UXS1: variants seen among roughly 807,000 people sequenced by gnomAD.
The protein encoded by UXS1 is UDP-glucuronic acid decarboxylase 1.
In UXS1, 33 loss-of-function variants were observed where a neutral mutation model predicts 62.6. The observed-to-expected ratio is 0.53, with a 90% CI of 0.40 to 0.70. UXS1 has a LOEUF of 0.70. Among genes scored for constraint, UXS1 ranks in the 30% least tolerant of loss-of-function variants. The pLI, the probability that UXS1 is intolerant of heterozygous loss-of-function variation, is 0.00. For synonymous variants in UXS1, 213 were observed against 206.8 expected, an observed-to-expected ratio of 1.03 and a Z score of -0.26; for missense variants, 434 against 556.3, an observed-to-expected ratio of 0.78 and a Z score of 2.21.
chr2:106,116,861 C>T (rs1027707482), intron 9 of UXS1, among the ~76,000 whole-genome samples: 2 of 152,188 alleles, frequency 1.3e-5, no homozygotes, highest in Non-Finnish European at 2.9e-5. Context: ...AAGACACAAA[C>T]GTTCATGGAC....
chr2:106,117,198 G>A (rs868304802), intron 9 of UXS1, among the ~76,000 whole-genome samples: 5 of 152,214 alleles, frequency 3.3e-5, no homozygotes, highest in African/African-American at 1.2e-4. Context: ...ATACTGTCCA[G>A]GGCAGGCTGC....
intron 6 of UXS1, 21 bp from the exon 7 acceptor site, chr2:106,129,799 G>A: frequency 1.3e-6 from 2 of 1,540,534 alleles, no homozygotes; most frequent in Non-Finnish European, 1.8e-6. Context: ...CAAAACAGAA[G>A]CCTATTACTT....
At chr2:106,187,307 C>T (rs1042221892) in intron 1 of UXS1, among the ~76,000 whole-genome samples, 15 of 152,286 alleles carry the variant, frequency 9.8e-5, no homozygotes, top group South Asian at 6.2e-4. Flanking sequence ...GCTGATCTCA[C>T]GCTCGGGTCA....
chr2:106,108,575 T>C (rs1338554766), intron 10 of UXS1, among the ~76,000 whole-genome samples: 1 of 152,008 alleles, frequency 6.6e-6, no homozygotes, highest in Non-Finnish European at 1.5e-5. Context: ...GAAGACAGTG[T>C]GAGATTCGGT....
At chr2:106,155,503 A>T (rs1032207473) in intron 5 of UXS1, among the ~76,000 whole-genome samples, 3 of 152,346 alleles carry the variant, frequency 2.0e-5, no homozygotes, top group South Asian at 4.1e-4. Context: ...TGCAAGCTCC[A>T]TTTGTGGTAA....
At chr2:106,095,770 A>T (rs1677025695) in intron 14 of UXS1, among the ~76,000 whole-genome samples, 1 of 152,132 alleles carries the variant, frequency 6.6e-6, no homozygotes, top group Non-Finnish European at 1.5e-5. Context: ...GCTTGCTTCT[A>T]TAGATGGGGC....
chr2:106,103,245 T>C, intron 11 of UXS1, among the ~76,000 whole-genome samples: 1 of 152,246 alleles, frequency 6.6e-6, no homozygotes, highest in East Asian at 1.9e-4. Context: ...AAATGAATTT[T>C]GCACACAATG....
chr2:106,177,663 G>A (rs776714725), intron 1 of UXS1, among the ~76,000 whole-genome samples: 1 of 152,218 alleles, frequency 6.6e-6, no homozygotes, highest in South Asian at 2.1e-4. Flanking sequence ...TGCCATGTGA[G>A]GACACTGCGA....
intron 6 of UXS1, among the ~76,000 whole-genome samples, chr2:106,130,259 G>C (rs1680331685): frequency 6.6e-6 from 1 of 152,142 alleles, no homozygotes; most frequent in South Asian, 2.1e-4. Context: ...CATGGCGAGG[G>C]AGGGAGGGAG....
Position 106,145,205 on chromosome 2 carries a change from G to T in UXS1, c.457C>A (p.Pro153Thr), listed in dbSNP as rs766833910. 1.9e-6 allele frequency: 3 copies of T among 1,613,522 alleles called. No individual in the cohort carries two copies. The East Asian group carries it at 6.7e-5, about 36-fold the overall frequency. Residue 153 changes from proline (P) to threonine (T), a missense_variant, in exon 6 of 15, where the codon CCC (proline) becomes ACC (threonine). Physicochemically the swap from Pro to Thr is conservative, Grantham distance 38 (BLOSUM62 -1). Coordinates refer to ENST00000283148, the MANE Select transcript of UXS1 (RefSeq NM_001253875.2). The part of the protein sequence containing the change: ...FELINHDVVE[P>T]LYIEVDQIYH... ...TTTCACTCACCCTCGATGTAGAGGG[G>T]CTCCACCACGTCGTGGTTAATCAAC...
At chr2:106,094,264 C>T (rs921022194) in intron 14 of UXS1, 107 bp from the exon 15 acceptor site, 1 of 164,816 alleles carries the variant, frequency 6.1e-6, no homozygotes, top group Non-Finnish European at 1.0e-5. Context: ...TGCAGCCAGT[C>T]AGGCCTCCTT....
intron 1 of UXS1, among the ~76,000 whole-genome samples, chr2:106,172,230 G>A (rs78555838): frequency 0.01 from 1,596 of 152,302 alleles, 33 homozygotes; most frequent in African/African-American, 0.036. Flanking sequence ...AGTGGGGGGC[G>A]GGGTGGATCC....
intron 5 of UXS1, 22 bp from the exon 6 acceptor site, chr2:106,145,392 A>C (rs1681485004): frequency 1.3e-6 from 2 of 1,597,090 alleles, no homozygotes; most frequent in Non-Finnish European, 1.7e-6. Flanking sequence ...CAGCGTGTGC[A>C]GAGCATTCCC....
Position 106,101,100 on chromosome 2 carries a change from G to C in UXS1, c.942C>G (p.Leu314=). ...TGACGTTGCTGTTCATGAGAGCCAC[G>C]AGGCCATTCACTAGATCGCTGGAAA... ...FQYVSDLVNG[L]VALMNSNVSS... is the part of the protein sequence containing the mutation. Residue 314 remains leucine (L), a synonymous_variant, in exon 12 of 15, where the codon CTC becomes CTG. Transcript: ENST00000283148. 1.2e-6 allele frequency: 2 copies of C among 1,613,810 alleles called. No homozygotes were observed. Among genetic ancestry groups the C allele is most frequent in the Non-Finnish European group, 1.7e-6 (2 of 1,179,870 alleles).
chr2:106,150,330 G>C (rs1037041642), intron 5 of UXS1, among the ~76,000 whole-genome samples: 1 of 152,244 alleles, frequency 6.6e-6, no homozygotes, highest in African/African-American at 2.4e-5. Context: ...ACACAGAGTA[G>C]TATGGTTAGA....
intron 11 of UXS1, chr2:106,102,934 T>A (rs1237036866): frequency 6.6e-6 from 1 of 151,882 alleles, no homozygotes; most frequent in Non-Finnish European, 1.5e-5. Context: ...GAGTGGGGAG[T>A]AAATAAATAC....
intron 6 of UXS1, among the ~76,000 whole-genome samples, chr2:106,137,231 T>A (rs551599173): frequency 6.6e-6 from 1 of 152,314 alleles, no homozygotes; most frequent in Admixed American, 6.5e-5. Context: ...ACTAATATTG[T>A]ATTATACAAA....
chr2:106,096,889 C>T (rs764093118), intron 13 of UXS1, 68 bp from the exon 14 acceptor site: 53 of 1,456,160 alleles, frequency 3.6e-5, no homozygotes, highest in Non-Finnish European at 4.8e-5. Context: ...GCCTTACCAT[C>T]CACATCAAAG....
chr2:106,097,797 C>G (rs912600443), intron 13 of UXS1: 1 of 157,240 alleles, frequency 6.4e-6, no homozygotes, highest in African/African-American at 2.4e-5. Context: ...CTTCCTCACG[C>G]AGGAGGAACA....
Sources: gnomAD v4.1 joint callset for allele counts (sites outside exome capture counted in the v4.1 genomes callset) on GRCh38, gnomAD v4.1.1 for gene constraint, MANE v1.5 for transcripts, NCBI Gene and HGNC (gene_info 2026-07-23, HGNC 2026-07-21) for gene names.